The following GTF2E2 variants were observed in gnomAD, a reference collection of about 807,000 sequenced individuals.
GTF2E2 encodes the protein transcription initiation factor IIE subunit beta.
A neutral mutation model predicts 40.5 loss-of-function variants in GTF2E2; 21 were observed. The ratio of observed to expected loss-of-function variants is 0.52; its 90% confidence interval spans 0.37 to 0.75. The LOEUF (loss-of-function observed/expected upper bound fraction) is 0.75, where lower values mean the gene tolerates loss of function less well. GTF2E2 is among the 30% of genes least tolerant of loss of function. The pLI, the probability that GTF2E2 is intolerant of heterozygous loss-of-function variation, is 0.00. For missense variants in GTF2E2, 298 were observed against 338.4 expected (o/e 0.88, Z 0.94); for synonymous variants, 117 against 121.6 (o/e 0.96, Z 0.25).
chr8:30,651,886 T>C (rs1401771276), intron 2 of GTF2E2, among the ~76,000 whole-genome samples: 1 of 152,160 alleles, frequency 6.6e-6, no homozygotes, highest in Non-Finnish European at 1.5e-5. Flanking sequence ...CAGAAGTCAA[T>C]GGAACCAAAC....
chr8:30,614,238 C>T (rs1402092361), intron 4 of GTF2E2, among the ~76,000 whole-genome samples: 1 of 152,158 alleles, frequency 6.6e-6, no homozygotes. Context: ...AGACCCTACA[C>T]CATTTCTTTT....
chr8:30,607,795 C>G (rs1299436361), intron 5 of GTF2E2, among the ~76,000 whole-genome samples: 1 of 152,132 alleles, frequency 6.6e-6, no homozygotes, highest in Non-Finnish European at 1.5e-5. Flanking sequence ...TCTTACTTTT[C>G]CTCTACCTTG....
chr8:30,637,425 T>C (rs1241235565), intron 2 of GTF2E2, among the ~76,000 whole-genome samples: 1 of 152,204 alleles, frequency 6.6e-6, no homozygotes, highest in Non-Finnish European at 1.5e-5. Flanking sequence ...ACTCAATAAA[T>C]ATTTGTTGAA....
chr8:30,605,238 T>C (rs1829287973), intron 6 of GTF2E2, among the ~76,000 whole-genome samples: 1 of 152,136 alleles, frequency 6.6e-6, no homozygotes, highest in African/African-American at 2.4e-5. Flanking sequence ...TAAATATGTT[T>C]GTTGAAGGCA....
At chr8:30,636,855 A>AT (rs1801618609) in intron 2 of GTF2E2, 5 of 348,274 alleles carry the variant, frequency 1.4e-5, no homozygotes, top group South Asian at 8.7e-5. Flanking sequence ...CCGTCTCAAA[A>AT]TTAAAAAAAA....
At chr8:30,596,678 T>G (rs536821826) in intron 6 of GTF2E2, among the ~76,000 whole-genome samples, 106 of 141,152 alleles carry the variant, frequency 7.5e-4, no homozygotes, top group African/African-American at 2.3e-3. Flanking sequence ...TCTTCCTTCC[T>G]TCTTTTTATG....
chr8:30,620,239 A>AACACAAAC (rs61566167), intron 3 of GTF2E2, among the ~76,000 whole-genome samples: 43,330 of 150,244 alleles, frequency 0.29, 6,771 homozygotes, highest in African/African-American at 0.42. Context: ...CACACACACA[A>AACACAAAC]ACACACACAC....
At chr8:30,608,431 T>A (rs947079413) in intron 5 of GTF2E2, among the ~76,000 whole-genome samples, 6 of 152,200 alleles carry the variant, frequency 3.9e-5, no homozygotes, top group African/African-American at 1.4e-4. Context: ...TTTCCAAAAA[T>A]TACTTGATAC....
chr8:30,655,089 T>A (rs1802412356), intron 1 of GTF2E2, among the ~76,000 whole-genome samples: 1 of 151,766 alleles, frequency 6.6e-6, no homozygotes, highest in Non-Finnish European at 1.5e-5. Flanking sequence ...TAGTCCGGGC[T>A]ACTCAGAACG....
At chr8:30,638,011 A>T (rs1269641629) in intron 2 of GTF2E2, among the ~76,000 whole-genome samples, 1 of 152,176 alleles carries the variant, frequency 6.6e-6, no homozygotes, top group Non-Finnish European at 1.5e-5. Flanking sequence ...TTTACATTTT[A>T]GAGACTATTT....
chr8:30,609,586 G>A (rs910092118), intron 5 of GTF2E2, among the ~76,000 whole-genome samples: 25 of 152,098 alleles, frequency 1.6e-4, no homozygotes, highest in African/African-American at 6.0e-4. Context: ...ACCTATTCAA[G>A]GTAATCCCTA....
At chr8:30,592,385 TAAATA>T (rs1297021242) in intron 6 of GTF2E2, among the ~76,000 whole-genome samples, 2 of 152,082 alleles carry the variant, frequency 1.3e-5, no homozygotes, top group Non-Finnish European at 2.9e-5. Context: ...AAAAAATACA[TAAATA>T]AAATAATTTC....
At chr8:30,623,527 A>G (rs886650280) in intron 3 of GTF2E2, among the ~76,000 whole-genome samples, 5 of 152,082 alleles carry the variant, frequency 3.3e-5, no homozygotes, top group African/African-American at 1.2e-4. Flanking sequence ...TTCGGTATAT[A>G]CCCAGTAATG....
intron 6 of GTF2E2, among the ~76,000 whole-genome samples, chr8:30,588,660 G>C (rs1828752004): frequency 6.6e-6 from 1 of 152,154 alleles, no homozygotes. Flanking sequence ...GTAATCACAA[G>C]GGTCCTTATA....
intron 6 of GTF2E2, chr8:30,596,988 AGCTGGTCTGCCTCCACGTTCTTGCGCCT>A (rs1829027318): frequency 6.6e-6 from 1 of 152,250 alleles, no homozygotes; most frequent in South Asian, 2.1e-4. Context: ...GCTGCATCTG[AGCTGGTCTGCCTCCACGTTCTTGCGCCT>A]TACACCGATC....
chr8:30,635,184 T>C, intron 2 of GTF2E2, 61 bp from the exon 3 acceptor site: 1 of 895,700 alleles, frequency 1.1e-6, no homozygotes, highest in Non-Finnish European at 1.8e-6. Context: ...CTTGAGCAGC[T>C]AAAATAATTT....
intron 3 of GTF2E2, among the ~76,000 whole-genome samples, chr8:30,620,271 CACGTATACAT>C (rs918954580): frequency 1.3e-5 from 2 of 150,766 alleles, no homozygotes; most frequent in African/African-American, 4.9e-5. Context: ...CACACACACA[CACGTATACAT>C]ACACACATTC....
At position 30,619,664 on chromosome 8, in the gene GTF2E2, G is replaced by T. The variant is rs1801028724; in HGVS notation, c.259-4949C>A. On this transcript the variant is annotated intron_variant, in intron 3 of 7. Coordinates refer to ENST00000355904, the MANE Select transcript of GTF2E2 (RefSeq NM_002095.6). ...AGCCTCCTATAGTGCTGGGATTACA[G>T]GTGTGAGCCACTGCGCCTGGCCAAA... Among the ~76,000 whole-genome samples the T allele has an allele frequency of 1.3e-5, 2 of 152,018 alleles. 1 individual carries two copies. The highest frequency in any genetic ancestry group is 4.2e-4 in the South Asian group (2 of 4,818).
At position 30,612,373 on chromosome 8, in the gene GTF2E2, C is replaced by A; in HGVS notation, c.475G>T (p.Asp159Tyr). 6.2e-7 allele frequency: 1 copy of A among 1,612,936 alleles called. No homozygotes were observed. Among genetic ancestry groups the A allele is most frequent in the South Asian group, 1.1e-5 (1 of 91,044 alleles). ...AGAATTCCTCCTAATCCTCGCTGGT[C>A]ATGCTGATCTAAGAGCCTAAGTAGG... Reference protein sequence around the residue: ...KALLRLLDQHDQRGLGGILLE... With the variant: ...KALLRLLDQHYQRGLGGILLE... Residue 159 changes from aspartate to tyrosine, a missense_variant, in exon 5 of 8, where the codon GAC becomes TAC. By Grantham distance (160) the Asp-to-Tyr change is radical. Transcript: ENST00000355904.
Sources: gnomAD v4.1 joint callset for allele counts (sites outside exome capture counted in the v4.1 genomes callset) on GRCh38, gnomAD v4.1.1 for gene constraint, MANE v1.5 for transcripts, NCBI Gene and HGNC (gene_info 2026-07-23, HGNC 2026-07-21) for gene names.